FBXL17: variants seen among roughly 807,000 people sequenced by gnomAD.
FBXL17 encodes F-box and leucine rich repeat protein 17.
In FBXL17, 22 loss-of-function variants were observed where a neutral mutation model predicts 66.2. The observed-to-expected ratio is 0.33, with a 90% confidence interval of 0.24 to 0.47. The LOEUF (loss-of-function observed/expected upper bound fraction) is 0.47, where lower values mean the gene tolerates loss of function less well. FBXL17 is among the 20% of genes least tolerant of loss of function. The pLI is 1.00. For missense variants in FBXL17, 878 were observed against 948.2 expected (o/e 0.93, Z 0.97); for synonymous variants, 474 against 400.5 (o/e 1.18, Z -2.19).
In FBXL17 at chr5:107,912,191, CT is replaced by C. The variant is rs1280839662; in HGVS notation, c.1823-31013del. ...AACTTTCTTTATCTGGAGTGCTTAC[CT>C]TGTGCCAAGCATGTAACTCCACACC... On this transcript the variant is annotated intron_variant, in intron 7 of 8. Coordinates refer to ENST00000542267, the MANE Select transcript of FBXL17 (RefSeq NM_001163315.3). 3.9e-5 allele frequency among the ~76,000 whole-genome samples: 6 copies of C among 152,136 alleles called. No individual in the cohort carries two copies. In the East Asian group the frequency reaches 9.7e-4, roughly 25 times the overall value.
chr5:107,925,830 G>A (rs1390618037), intron 7 of FBXL17, among the ~76,000 whole-genome samples: 1 of 152,152 alleles, frequency 6.6e-6, no homozygotes, highest in Non-Finnish European at 1.5e-5. Flanking sequence ...TTGCCTCAGA[G>A]TCTACTTTAG....
chr5:108,025,268 T>C (rs1319340271), intron 6 of FBXL17, among the ~76,000 whole-genome samples: 2 of 152,070 alleles, frequency 1.3e-5, no homozygotes, highest in Non-Finnish European at 2.9e-5. Flanking sequence ...ACCTCAGAGG[T>C]GTGAAAAGAA....
intron 4 of FBXL17, among the ~76,000 whole-genome samples, chr5:108,336,397 A>G (rs1203895681): frequency 1.3e-5 from 2 of 152,150 alleles, no homozygotes; most frequent in Non-Finnish European, 2.9e-5. Flanking sequence ...AAACTCAACC[A>G]CAGAAGCAAC....
Position 108,125,793 on chromosome 5 carries a change from ATTGTGTTTATATTCAT to A in FBXL17, c.1745+60308_1745+60323del, listed in dbSNP as rs1054884921. Among the ~76,000 whole-genome samples the A allele has an allele frequency of 4.6e-5, 7 of 152,246 alleles. No individual in the cohort carries two copies. In the South Asian group the frequency reaches 6.2e-4, roughly 14 times the overall value. On this transcript the variant is annotated intron_variant, in intron 6 of 8. Coordinates refer to ENST00000542267, the MANE Select transcript of FBXL17 (RefSeq NM_001163315.3). ...AAGCTGGATGTGTTTATATCCAGTTATTGTGTTTATATTCATTTGTGTTTATATTCAATTATCATTC... is the reference window on the plus strand; with the variant it reads ...AAGCTGGATGTGTTTATATCCAGTTATTGTGTTTATATTCAATTATCATTC...
intron 6 of FBXL17, among the ~76,000 whole-genome samples, chr5:108,070,979 T>C (rs367702203): frequency 2.5e-4 from 38 of 152,334 alleles, no homozygotes; most frequent in African/African-American, 8.4e-4. Flanking sequence ...AGATAAGACA[T>C]TGCCATAACA....
intron 8 of FBXL17, chr5:107,879,017 T>C (rs1748698558): frequency 1.0e-6 from 1 of 985,480 alleles, no homozygotes; most frequent in Non-Finnish European, 1.2e-6. Flanking sequence ...ACTGTCTCTA[T>C]TTAATTTTGG....
chr5:107,958,821 C>T (rs1310309990), intron 7 of FBXL17, among the ~76,000 whole-genome samples: 4 of 151,918 alleles, frequency 2.6e-5, no homozygotes, highest in South Asian at 2.1e-4. Flanking sequence ...GAATTACATT[C>T]GAAATTAAAT....
intron 3 of FBXL17, among the ~76,000 whole-genome samples, chr5:108,350,193 G>A (rs990589735): frequency 1.3e-5 from 2 of 152,048 alleles, no homozygotes; most frequent in Non-Finnish European, 2.9e-5. Context: ...CTGAGGTTGG[G>A]GCTAAAAATA....
intron 6 of FBXL17, among the ~76,000 whole-genome samples, chr5:108,138,465 C>G (rs778217380): frequency 2.0e-5 from 3 of 151,552 alleles, no homozygotes; most frequent in Non-Finnish European, 4.4e-5. Context: ...TTTCCTATTC[C>G]AATGCCTAGT....
intron 4 of FBXL17, among the ~76,000 whole-genome samples, chr5:108,348,066 A>G (rs1747394249): frequency 6.6e-6 from 1 of 152,350 alleles, no homozygotes; most frequent in South Asian, 2.1e-4. Flanking sequence ...ATCCCTAGAG[A>G]TATCAGAAAG....
rs534842208 is a variant in FBXL17 at position 108,054,240 on chromosome 5, A to G, written c.1746-33239T>C. On this transcript the variant is annotated intron_variant, in intron 6 of 8. Coordinates refer to ENST00000542267, the MANE Select transcript of FBXL17 (RefSeq NM_001163315.3). ...TGTATCCCGGAACGTAAAGTAAAAT[A>G]AAAATTAAAAAAAAAAAAAAGTCTT... 3.9e-4 allele frequency among the ~76,000 whole-genome samples: 47 copies of G among 120,008 alleles called. 1 individual carries two copies. The highest frequency in any genetic ancestry group is 1.2e-3 in the African/African-American group (46 of 39,288). The allele number at this position is 120,008 out of a possible 152,430, so 78.7% of individuals were successfully genotyped here.
chr5:108,236,663 A>G (rs778636953), intron 4 of FBXL17, among the ~76,000 whole-genome samples: 17 of 152,226 alleles, frequency 1.1e-4, no homozygotes, highest in Non-Finnish European at 2.4e-4. Context: ...GACCAATTCA[A>G]GACCTTCTTT....
chr5:107,873,535 C>T (rs1253133822), intron 8 of FBXL17, among the ~76,000 whole-genome samples: 2 of 152,150 alleles, frequency 1.3e-5, no homozygotes, highest in Admixed American at 6.5e-5. Flanking sequence ...GCCCTGAAGA[C>T]CTGCTGCTGC....
chr5:108,344,284 T>A (rs1048772380), intron 4 of FBXL17, among the ~76,000 whole-genome samples: 1 of 152,122 alleles, frequency 6.6e-6, no homozygotes, highest in Non-Finnish European at 1.5e-5. Context: ...GTCAAAGGAC[T>A]CTAAGAGAAG....
intron 3 of FBXL17, among the ~76,000 whole-genome samples, chr5:108,351,357 T>A (rs1006004662): frequency 3.9e-5 from 6 of 152,242 alleles, no homozygotes; most frequent in South Asian, 2.1e-4. Flanking sequence ...GTAAGTTTTT[T>A]AAAAAATACA....
chr5:107,878,023 T>A (rs1043768719), intron 8 of FBXL17, among the ~76,000 whole-genome samples: 4 of 152,056 alleles, frequency 2.6e-5, no homozygotes, highest in African/African-American at 9.7e-5. Flanking sequence ...CTCACCCTTT[T>A]CTCCCACTGC....
intron 6 of FBXL17, among the ~76,000 whole-genome samples, chr5:108,093,447 G>A (rs1450683346): frequency 6.6e-6 from 1 of 152,106 alleles, no homozygotes; most frequent in Non-Finnish European, 1.5e-5. Flanking sequence ...TGACTTCACT[G>A]ATGTGGAGCA....
intron 6 of FBXL17, among the ~76,000 whole-genome samples, chr5:108,148,035 A>G (rs1270485074): frequency 6.6e-6 from 1 of 152,186 alleles, no homozygotes; most frequent in African/African-American, 2.4e-5. Context: ...ATTCTAAAGA[A>G]CACAATGGAG....
At chr5:108,249,812 G>C (rs568392097) in intron 4 of FBXL17, among the ~76,000 whole-genome samples, 2 of 152,142 alleles carry the variant, frequency 1.3e-5, no homozygotes, top group South Asian at 2.1e-4. Flanking sequence ...ATATATTCTT[G>C]TACTAACAAA....
Sources: gnomAD v4.1 joint callset for allele counts (sites outside exome capture counted in the v4.1 genomes callset) on GRCh38, gnomAD v4.1.1 for gene constraint, MANE v1.5 for transcripts, NCBI Gene and HGNC (gene_info 2026-07-23, HGNC 2026-07-21) for gene names.